Variants in CAMK1D observed in about 807,000 individuals in gnomAD.
CAMK1D encodes the protein calcium/calmodulin-dependent protein kinase type 1D.
CAMK1D carries 9 observed loss-of-function variants against 47.7 expected under a neutral mutation model. The ratio of observed to expected loss-of-function variants is 0.19; its 90% CI spans 0.11 to 0.33. CAMK1D has a LOEUF of 0.33. CAMK1D is among the 10% of genes least tolerant of loss of function. The pLI is 1.00. For missense variants in CAMK1D, 291 were observed against 488.7 expected (o/e 0.60, Z 3.81); for synonymous variants, 184 against 184.9 (o/e 0.99, Z 0.04).
intron 1 of CAMK1D, among the ~76,000 whole-genome samples, chr10:12,446,689 A>C (rs1284382053): frequency 1.3e-5 from 2 of 152,336 alleles, no homozygotes; most frequent in East Asian, 3.9e-4. Flanking sequence ...AAGTCTGGAT[A>C]GTAGCCATGA....
chr10:12,466,009 G>T (rs934518017), intron 1 of CAMK1D, among the ~76,000 whole-genome samples: 5 of 152,148 alleles, frequency 3.3e-5, no homozygotes, highest in African/African-American at 1.2e-4. Context: ...GTTAGCCTCA[G>T]TTTCTTCATT....
chr10:12,750,711 TGAA>T (rs553177601), intron 3 of CAMK1D, among the ~76,000 whole-genome samples: 1 of 152,148 alleles, frequency 6.6e-6, no homozygotes, highest in South Asian at 2.1e-4. Context: ...AATGAATGAA[TGAA>T]GTAGAAGTTG....
chr10:12,393,997 C>T (rs753375609), intron 1 of CAMK1D, among the ~76,000 whole-genome samples: 6 of 152,140 alleles, frequency 3.9e-5, no homozygotes, highest in African/African-American at 4.8e-5. Flanking sequence ...TCCACAAGAC[C>T]GCTCCCGACA....
rs149969849 is a variant in CAMK1D at position 12,411,098 on chromosome 10, C to T, written c.92+61188C>T. Among the ~76,000 whole-genome samples the T allele has an allele frequency of 1.1e-3, 169 of 152,276 alleles. 1 individual carries two copies. Among genetic ancestry groups the T allele is most frequent in the Admixed American group, 4.6e-3 (71 of 15,300 alleles). Reference sequence around the variant, plus strand: ...GGATTAAGCTTCGAGCCCACCCCATCGGCTCCCATCACATCAACTCACCAA... The same window carrying T: ...GGATTAAGCTTCGAGCCCACCCCATTGGCTCCCATCACATCAACTCACCAA... On this transcript the variant is annotated intron_variant, in intron 1 of 10. Transcript: ENST00000619168.
At chr10:12,589,128 A>C (rs1323723473) in intron 2 of CAMK1D, among the ~76,000 whole-genome samples, 2 of 152,092 alleles carry the variant, frequency 1.3e-5, no homozygotes, top group East Asian at 1.9e-4. Context: ...CCCAGGCTCA[A>C]TTCATCCAAG....
At chr10:12,542,174 C>A (rs1836217762) in intron 1 of CAMK1D, among the ~76,000 whole-genome samples, 1 of 152,132 alleles carries the variant, frequency 6.6e-6, no homozygotes, top group African/African-American at 2.4e-5. Context: ...CCATGGAACC[C>A]CAGCTTTTCA....
chr10:12,410,612 GT>G (rs1308963941), intron 1 of CAMK1D, among the ~76,000 whole-genome samples: 2 of 152,162 alleles, frequency 1.3e-5, no homozygotes, highest in Non-Finnish European at 2.9e-5. Context: ...AATTTTTGTT[GT>G]TTGTTTCACA....
At chr10:12,668,744 T>C (rs1368845387) in intron 3 of CAMK1D, among the ~76,000 whole-genome samples, 1 of 152,148 alleles carries the variant, frequency 6.6e-6, no homozygotes, top group Non-Finnish European at 1.5e-5. Flanking sequence ...AACTTGGGGT[T>C]GTATACTACC....
intron 1 of CAMK1D, among the ~76,000 whole-genome samples, chr10:12,462,355 A>C (rs755934000): frequency 6.6e-6 from 1 of 151,842 alleles, no homozygotes; most frequent in African/African-American, 2.4e-5. Flanking sequence ...TAGTAGAGAC[A>C]GGGTTTCACC....
chr10:12,835,411 A>G lies in CAMK1D; in HGVS notation c.*6524A>G, dbSNP rs1365169182. 6.6e-6 allele frequency: 1 copy of G among 152,224 alleles called. No homozygotes were observed. Among genetic ancestry groups the G allele is most frequent in the Non-Finnish European group, 1.5e-5 (1 of 68,046 alleles). The allele number at this position is 152,224 out of a possible 1,614,324, so 9.4% of individuals were successfully genotyped here. A position where few individuals can be genotyped will look rare whatever the true frequency, so the allele number is the denominator to read the frequency against. ...ACCCACATAGGTTTGCGGCACTGCA[A>G]AATTGTTCATGGGTCTATGTAGCAA... On this transcript the variant is annotated 3_prime_UTR_variant, in exon 11 of 11. Transcript: ENST00000619168.
intron 2 of CAMK1D, among the ~76,000 whole-genome samples, chr10:12,590,470 C>A (rs1431500586): frequency 1.3e-5 from 2 of 152,194 alleles, no homozygotes; most frequent in Non-Finnish European, 2.9e-5. Context: ...AAGTGATCCT[C>A]CTGCCTCGGC....
chr10:12,635,993 A>G (rs1839503089), intron 2 of CAMK1D, among the ~76,000 whole-genome samples: 1 of 152,196 alleles, frequency 6.6e-6, no homozygotes, highest in Non-Finnish European at 1.5e-5. Flanking sequence ...TCATCTAGAC[A>G]TTTTAAACAC....
Position 12,827,469 on chromosome 10 carries a change from TCTG to T in CAMK1D, c.1040-1299_1040-1297del, listed in dbSNP as rs1316044502. 1.6e-3 allele frequency among the ~76,000 whole-genome samples: 22 copies of T among 13,492 alleles called. 5 individuals carry two copies. Among genetic ancestry groups the T allele is most frequent in the African/African-American group, 4.3e-3 (21 of 4,936 alleles). 8.9% of individuals were successfully genotyped at this position (13,492 alleles called of 152,430 possible). On this transcript the variant is annotated intron_variant, in intron 10 of 10. Coordinates refer to ENST00000619168, the MANE Select transcript of CAMK1D (RefSeq NM_153498.4). ...TTTCTTTCTTTTCTTTCTTTGTCTG[TCTG>T]TCTTTCTTTCTTTCTTTCTTTCTTT...
chr10:12,801,354 T>TATATTATC (rs57429397), intron 6 of CAMK1D, among the ~76,000 whole-genome samples: 1 of 66,490 alleles, frequency 1.5e-5, no homozygotes, highest in South Asian at 5.4e-4. Flanking sequence ...TCTATCTATC[T>TATATTATC]TATCTATCTA....
At chr10:12,761,427 TGCAGTTCC>T (rs1228271788) in intron 4 of CAMK1D, among the ~76,000 whole-genome samples, 2 of 152,116 alleles carry the variant, frequency 1.3e-5, no homozygotes, top group Admixed American at 6.5e-5. Context: ...CTCCTCCCGG[TGCAGTTCC>T]GCAGCACCTT....
At chr10:12,565,097 G>A (rs1000373986) in intron 2 of CAMK1D, among the ~76,000 whole-genome samples, 1 of 152,104 alleles carries the variant, frequency 6.6e-6, no homozygotes, top group Non-Finnish European at 1.5e-5. Flanking sequence ...TGTAGTCCCA[G>A]CTACTTGGGA....
intron 9 of CAMK1D, among the ~76,000 whole-genome samples, chr10:12,824,896 T>G (rs1218914220): frequency 3.9e-5 from 6 of 152,174 alleles, no homozygotes; most frequent in African/African-American, 1.2e-4. Context: ...TGAGTTGTAC[T>G]CATCAATGTT....
rs1833365346 is a variant in CAMK1D at position 12,829,087 on chromosome 10, G to A, written c.*200G>A. 2 of 530,916 alleles carry A rather than the reference G, an allele frequency of 3.8e-6. No homozygotes were observed. The highest frequency in any genetic ancestry group is 7.4e-5 in the Admixed American group (2 of 27,036). 32.9% of individuals were successfully genotyped at this position (530,916 alleles called of 1,614,324 possible). A position where few individuals can be genotyped will look rare whatever the true frequency, so the allele number is the denominator to read the frequency against. On this transcript the variant is annotated 3_prime_UTR_variant, in exon 11 of 11. Transcript: ENST00000619168. ...TTTCTCACAAACTGTACTGACTCGAGGGGCGCTGATTTCATAGGATCTGGT... is the reference window on the plus strand; with the variant it reads ...TTTCTCACAAACTGTACTGACTCGAAGGGCGCTGATTTCATAGGATCTGGT...
intron 6 of CAMK1D, among the ~76,000 whole-genome samples, chr10:12,801,522 T>G (rs903313341): frequency 5.3e-5 from 8 of 151,686 alleles, no homozygotes; most frequent in African/African-American, 1.9e-4. Flanking sequence ...ATCTTCTATT[T>G]GTTTATCCAT....
Sources: allele counts gnomAD v4.1 joint callset (sites outside exome capture counted in the v4.1 genomes callset), GRCh38; gene constraint gnomAD v4.1.1; transcripts MANE v1.5; gene names NCBI Gene and HGNC (gene_info 2026-07-23, HGNC 2026-07-21).